MTG2: variants seen among roughly 807,000 people sequenced by gnomAD.
MTG2 encodes the protein mitochondrial ribosome associated GTPase 2.
A neutral mutation model predicts 28.6 loss-of-function variants in MTG2; 23 were observed. That is an observed-to-expected ratio of 0.80 (90% CI 0.58 to 1.14). The LOEUF is 1.14. Among genes scored for constraint, MTG2 ranks in the 50% most tolerant of loss-of-function variants. The pLI, the probability that MTG2 is intolerant of heterozygous loss-of-function variation, is 0.00. For missense variants in MTG2, 539 were observed against 552.0 expected (o/e 0.98, Z 0.24); for synonymous variants, 260 against 251.8 (o/e 1.03, Z -0.31).
Position 62,201,178 on chromosome 20 carries a change from T to C in MTG2, c.*101T>C, listed in dbSNP as rs374493318. The C allele has an allele frequency of 1.7e-5, 24 of 1,379,206 alleles. No homozygotes were observed. The highest frequency in any genetic ancestry group is 1.7e-4 in the East Asian group (7 of 40,524). 85.4% of individuals were successfully genotyped at this position (1,379,206 alleles called of 1,614,324 possible). A position where few individuals can be genotyped will look rare whatever the true frequency, so the allele number is the denominator to read the frequency against. On this transcript the variant is annotated 3_prime_UTR_variant, in exon 7 of 7. Coordinates refer to ENST00000370823, the MANE Select transcript of MTG2 (RefSeq NM_015666.4). ...AAAGTGCCTTGTGGACACGGGGGAG[T>C]TGTGGTGCTTCTGGGTCTCTGGGCC...
intron 2 of MTG2, among the ~76,000 whole-genome samples, chr20:62,195,234 C>A (rs572322672): frequency 6.6e-6 from 1 of 152,140 alleles, no homozygotes; most frequent in African/African-American, 2.4e-5. Flanking sequence ...TTCCCTCCAG[C>A]GAGGGGCTCT....
chr20:62,200,316 G>A (rs1373090761), intron 6 of MTG2: 2 of 191,302 alleles, frequency 1.0e-5, no homozygotes, highest in African/African-American at 4.7e-5. Flanking sequence ...TACTCTACAT[G>A]TAAATTTCTA....
At chr20:62,185,327 C>T (rs1239066237) in intron 1 of MTG2, among the ~76,000 whole-genome samples, 1 of 151,948 alleles carries the variant, frequency 6.6e-6, no homozygotes, top group African/African-American at 2.4e-5. Flanking sequence ...CAGGAGAATC[C>T]CTTGAACCCG....
At chr20:62,196,166 TG>T (rs760046928) in intron 3 of MTG2, among the ~76,000 whole-genome samples, 13 of 131,602 alleles carry the variant, frequency 9.9e-5, no homozygotes, top group Non-Finnish European at 1.2e-4. Context: ...TTTGTTTTTT[TG>T]TTTTTTTTTT....
intron 1 of MTG2, among the ~76,000 whole-genome samples, chr20:62,190,796 C>T (rs757384406): frequency 6.6e-6 from 1 of 152,222 alleles, no homozygotes; most frequent in Non-Finnish European, 1.5e-5. Flanking sequence ...GGAGGAAGTC[C>T]GCAGGGATGC....
rs147397875 is a variant in MTG2, at chr20:62,200,779, T to G, written c.923T>G (p.Phe308Cys). 2.4e-4 allele frequency: 390 copies of G among 1,613,808 alleles called. 2 individuals are homozygous for G. In the Admixed American group the frequency reaches 5.7e-3, roughly 24 times the overall value. Residue 308 changes from phenylalanine (F) to cysteine (C), a missense_variant, in exon 7 of 7, where the codon TTC becomes TGC. By Grantham distance (205) the Phe-to-Cys change is radical. Coordinates refer to ENST00000370823, the MANE Select transcript of MTG2 (RefSeq NM_015666.4). ...ATCGAGCGCTGCCGCTTTCTCTTGT[T>G]CGTGGTGGATCTTTCTCAGCCTGAG... ...RHIERCRFLLFVVDLSQPEPW... is the reference protein window; with the variant it reads ...RHIERCRFLLCVVDLSQPEPW...
At chr20:62,192,582 G>A (rs1049393675) in intron 1 of MTG2, among the ~76,000 whole-genome samples, 1 of 152,092 alleles carries the variant, frequency 6.6e-6, no homozygotes, top group African/African-American at 2.4e-5. Flanking sequence ...GGGTGGGGCC[G>A]AAAGGTCCAG....
At chr20:62,193,367 T>C (rs768519587) in intron 1 of MTG2, 49 bp from the exon 2 acceptor site, 165 of 1,571,346 alleles carry the variant, frequency 1.1e-4, no homozygotes, top group Admixed American at 2.2e-4. Flanking sequence ...TTCTGTTTCA[T>C]GCCCAGCATT....
chr20:62,199,016 C>A, intron 5 of MTG2, 103 bp from the exon 6 acceptor site: 1 of 1,569,728 alleles, frequency 6.4e-7, no homozygotes, highest in South Asian at 1.2e-5. Flanking sequence ...CCTTGTGACT[C>A]CCCCAGCCCT....
chr20:62,197,098 CA>C (rs11306858), intron 3 of MTG2: 34,654 of 151,442 alleles, frequency 0.23, 4,138 homozygotes, highest in South Asian at 0.39. Context: ...GTAGCACACC[CA>C]AAAAAGCAAC....
intron 2 of MTG2, among the ~76,000 whole-genome samples, chr20:62,195,040 CA>C (rs2058034582): frequency 6.6e-6 from 1 of 152,102 alleles, no homozygotes; most frequent in Non-Finnish European, 1.5e-5. Context: ...ACTAAAAATA[CA>C]AAAAACTAGC....
intron 1 of MTG2, among the ~76,000 whole-genome samples, chr20:62,185,672 G>A (rs2145824750): frequency 6.6e-6 from 1 of 152,242 alleles, no homozygotes; most frequent in East Asian, 1.9e-4. Flanking sequence ...TGAGGGCAGT[G>A]TTCTAATATG....
intron 2 of MTG2, 59 bp from the exon 3 acceptor site, chr20:62,195,743 G>C: frequency 6.3e-7 from 1 of 1,596,286 alleles, no homozygotes; most frequent in Non-Finnish European, 8.6e-7. Flanking sequence ...ATGGATGCAT[G>C]GTGTCTTGAA....
chr20:62,191,372 G>A lies in MTG2; in HGVS notation c.-5-2044G>A, dbSNP rs2057955473. ...TCAATGACACCCTGGTTCTGGAGGG[G>A]ACACCATTTTCTCTAGGAAACACAC... On this transcript the variant is annotated intron_variant, in intron 1 of 6. Coordinates refer to ENST00000370823, the MANE Select transcript of MTG2 (RefSeq NM_015666.4). Among the ~76,000 whole-genome samples, 2 of 152,140 alleles carry A rather than the reference G, an allele frequency of 1.3e-5. 1 individual carries two copies. Among genetic ancestry groups the A allele is most frequent in the South Asian group, 4.1e-4 (2 of 4,822 alleles).
chr20:62,195,476 G>C (rs562967494), intron 2 of MTG2, among the ~76,000 whole-genome samples: 9 of 152,176 alleles, frequency 5.9e-5, no homozygotes, highest in African/African-American at 2.2e-4. Context: ...ACAAGATGTG[G>C]GTTTTTTAGC....
chr20:62,199,888 G>A (rs2058134132), intron 6 of MTG2: 1 of 151,812 alleles, frequency 6.6e-6, no homozygotes, highest in Admixed American at 6.6e-5. Flanking sequence ...GTAGAGACGG[G>A]GTTTCACCAT....
Position 62,201,402 on chromosome 20 carries a change from C to A in MTG2, c.*325C>A. On this transcript the variant is annotated 3_prime_UTR_variant, in exon 7 of 7. Coordinates refer to ENST00000370823, the MANE Select transcript of MTG2 (RefSeq NM_015666.4). ...GCCGCTGACTCAGGTCTCCGCCATG[C>A]ACGCGTGGACTCTCGGATGAGCTCA... The A allele has an allele frequency of 3.0e-6, 1 of 338,546 alleles. No homozygotes were observed. Among genetic ancestry groups the A allele is most frequent in the Non-Finnish European group, 5.5e-6 (1 of 181,518 alleles). The allele number at this position is 338,546 out of a possible 1,614,324, so 21.0% of individuals were successfully genotyped here. A position where few individuals can be genotyped will look rare whatever the true frequency, so the allele number is the denominator to read the frequency against.
intron 6 of MTG2, among the ~76,000 whole-genome samples, chr20:62,199,569 C>T (rs887015207): frequency 6.7e-6 from 1 of 149,890 alleles, no homozygotes; most frequent in African/African-American, 2.5e-5. Context: ...TGGCATGAAC[C>T]CAGAAGGCAA....
At chr20:62,185,419 T>A (rs1276275943) in intron 1 of MTG2, among the ~76,000 whole-genome samples, 1 of 98,444 alleles carries the variant, frequency 1.0e-5, no homozygotes, top group African/African-American at 4.6e-5. Flanking sequence ...CCAAAAAAAA[T>A]AAAAATAAAA....
Sources: allele counts gnomAD v4.1 joint callset (sites outside exome capture counted in the v4.1 genomes callset), GRCh38; gene constraint gnomAD v4.1.1; transcripts MANE v1.5; gene names NCBI Gene and HGNC (gene_info 2026-07-23, HGNC 2026-07-21).